ANGPTL2: variants seen among roughly 807,000 people sequenced by gnomAD.
The protein encoded by ANGPTL2 is angiopoietin-related protein 2.
In ANGPTL2, 25 loss-of-function variants were observed where a neutral mutation model predicts 52.8. That is an observed-to-expected ratio of 0.47 (90% CI 0.35 to 0.66). ANGPTL2 has a LOEUF of 0.66. Among genes scored for constraint, ANGPTL2 ranks in the 30% least tolerant of loss-of-function variants. ANGPTL2 has a pLI of 0.01. For missense variants in ANGPTL2, 546 were observed against 656.9 expected (o/e 0.83, Z 1.84); for synonymous variants, 276 against 277.4 (o/e 1.00, Z 0.05).
intron 4 of ANGPTL2, among the ~76,000 whole-genome samples, chr9:127,090,486 T>C (rs151289929): frequency 1.7e-4 from 26 of 152,322 alleles, no homozygotes; most frequent in African/African-American, 5.1e-4. Flanking sequence ...GAGGTGTCTG[T>C]GTGATACAGG....
chr9:127,119,468 G>A (rs2055815141), intron 1 of ANGPTL2, among the ~76,000 whole-genome samples: 1 of 152,228 alleles, frequency 6.6e-6, no homozygotes, highest in African/African-American at 2.4e-5. Flanking sequence ...GGGCTTTGGA[G>A]CCAGACAGAG....
chr9:127,105,597 C>T (rs2054141322), intron 2 of ANGPTL2, among the ~76,000 whole-genome samples: 2 of 152,278 alleles, frequency 1.3e-5, no homozygotes, highest in South Asian at 4.1e-4. Flanking sequence ...CCTTACTGTC[C>T]CCCAGGGCAC....
intron 1 of ANGPTL2, among the ~76,000 whole-genome samples, chr9:127,115,167 T>A (rs2055269906): frequency 6.6e-6 from 1 of 152,150 alleles, no homozygotes; most frequent in Admixed American, 6.5e-5. Flanking sequence ...AGTTGAGGTC[T>A]GTTGTCTTAC....
chr9:127,119,244 T>C (rs2055788094), intron 1 of ANGPTL2, among the ~76,000 whole-genome samples: 1 of 152,184 alleles, frequency 6.6e-6, no homozygotes, highest in Non-Finnish European at 1.5e-5. Flanking sequence ...GTAACAGTCA[T>C]GCCTATTTTG....
intron 2 of ANGPTL2, among the ~76,000 whole-genome samples, chr9:127,105,291 C>T (rs2054114176): frequency 6.6e-6 from 1 of 152,180 alleles, no homozygotes; most frequent in Non-Finnish European, 1.5e-5. Context: ...CCCATGACGG[C>T]GTGCTTTCTT....
chr9:127,108,817 C>T (rs971561896), intron 1 of ANGPTL2, 37 bp from the exon 2 acceptor site: 2 of 1,390,988 alleles, frequency 1.4e-6, no homozygotes, highest in African/African-American at 2.9e-5. Flanking sequence ...GTGATGGTCC[C>T]ACCACTGTCA....
chr9:127,121,506 A>G (rs1275275414), intron 1 of ANGPTL2, among the ~76,000 whole-genome samples: 1 of 152,246 alleles, frequency 6.6e-6, no homozygotes, highest in Non-Finnish European at 1.5e-5. Flanking sequence ...ATAATCCTAC[A>G]GCAGAGGCAA....
In ANGPTL2 at chr9:127,107,975, G is replaced by T. The variant is rs140708616; in HGVS notation, c.757C>A (p.Pro253Thr). ...QSDQNLKVLP[P>T]PLPTMPTLTS... ...AGAGTGGGCATAGTGGGCAGAGGGG[G>T]TGGCAGCACCTTCAGGTTCTGGTCA... Residue 253 changes from proline to threonine, a missense_variant, in exon 2 of 5, where the codon CCC (proline) becomes ACC (threonine). Pro to Thr is a conservative substitution (Grantham distance 38, BLOSUM62 -1). Coordinates refer to ENST00000373425, the MANE Select transcript of ANGPTL2 (RefSeq NM_012098.3). The T allele has an allele frequency of 3.9e-5, 62 of 1,575,432 alleles. No homozygotes were observed. In the African/African-American group the frequency reaches 5.9e-4, roughly 15 times the overall value.
rs1363098543 is a variant in ANGPTL2, at chr9:127,093,764, A to C, written c.980T>G (p.Val327Gly). The C allele has an allele frequency of 1.2e-6, 2 of 1,613,806 alleles. No individual in the cohort carries two copies. The highest frequency in any genetic ancestry group is 1.3e-5 in the African/African-American group (1 of 74,824). ...TVIQRRLDGS[V>G]NFFRNWETYK... ...CGTCTCCCAGTTCCTGAAGAAGTTA[A>C]CAGAGCCATCCAGGCGTCTCTGGAT... is the stretch of plus-strand genomic sequence containing the variant. Residue 327 changes from valine to glycine, a missense_variant, in exon 3 of 5, where the codon GTT becomes GGT. Around this residue, in one of 2 missense-constraint regions of ANGPTL2, gnomAD observed 261 missense variants for 361.0 expected, o/e 0.72. Transcript: ENST00000373425.
In ANGPTL2 at chr9:127,091,410, T is replaced by A. The variant is rs1312745361; in HGVS notation, c.1282+260A>T. ...TGGCCCCAGCTGGCCCTGGTACGTG[T>A]GATTTGTATACCTCTTTATGTCTCG... On this transcript the variant is annotated intron_variant, in intron 4 of 4. Coordinates refer to ENST00000373425, the MANE Select transcript of ANGPTL2 (RefSeq NM_012098.3). This position sits in a 1 kb window ranked among gnomAD's most constrained non-coding sequence, Gnocchi z 4.3. Among the ~76,000 whole-genome samples the A allele has an allele frequency of 6.6e-6, 1 of 152,222 alleles. No individual in the cohort carries two copies. The highest frequency in any genetic ancestry group is 1.5e-5 in the Non-Finnish European group (1 of 68,046).
rs544441424 is a variant in ANGPTL2 at position 127,110,162 on chromosome 9, G to A, written c.-49-1382C>T. On this transcript the variant is annotated intron_variant, in intron 1 of 4. Transcript: ENST00000373425. ...TTTCCAGAAAGTTCCTCTCTTCCTG[G>A]TCTCTCTTGAGCCCACCCTCATCAG... 3.3e-5 allele frequency among the ~76,000 whole-genome samples: 5 copies of A among 152,210 alleles called. No homozygotes were observed. In the South Asian group the frequency reaches 1.0e-3, roughly 32 times the overall value.
intron 1 of ANGPTL2, among the ~76,000 whole-genome samples, chr9:127,112,020 C>A (rs1322570399): frequency 6.6e-6 from 1 of 152,208 alleles, no homozygotes; most frequent in Non-Finnish European, 1.5e-5. Context: ...CCAGTGAGGA[C>A]CCTGGGTCTG....
Position 127,108,663 on chromosome 9 carries a change from C to T in ANGPTL2, c.69G>A (p.Gln23=), listed in dbSNP as rs376777812. The change falls in exon 2 of 5, where the codon CAG becomes CAA. Residue 23 remains glutamine (Q), a synonymous_variant. Coordinates refer to ENST00000373425, the MANE Select transcript of ANGPTL2 (RefSeq NM_012098.3). ...CCTCAGTGCCCTCAAAACCGTCCTC[C>T]TGGCCTGCAACAGCTCCCATGGCAG... ...LLAAMGAVAG[Q]EDGFEGTEEG... 3 of 1,613,774 alleles carry T rather than the reference C, an allele frequency of 1.9e-6. No individual in the cohort carries two copies. The highest frequency in any genetic ancestry group is 1.7e-5 in the Admixed American group (1 of 60,006).
Position 127,108,474 on chromosome 9 carries a change from C to T in ANGPTL2, c.258G>A (p.Lys86=). 1 of 1,612,484 alleles carries T rather than the reference C, an allele frequency of 6.2e-7. No homozygotes were observed. Residue 86 remains lysine, a synonymous_variant, in exon 2 of 5, where the codon AAG becomes AAA. Transcript: ENST00000373425. ...PEVLLENRVH[K]QELELLNNEL... is the part of the protein sequence containing the mutation. ...CATTGTTGAGCAGCTCTAGCTCCTG[C>T]TTATGCACTCGGTTCTCCAGAAGCA...
Position 127,102,717 on chromosome 9 carries a change from G to A in ANGPTL2, c.817+5198C>T, listed in dbSNP as rs146164745. On this transcript the variant is annotated intron_variant, in intron 2 of 4. Transcript: ENST00000373425. ...GAGGAAGAGAAAGCAAAGCAATAAG[G>A]GAGCTGGCCCTCCTGGAACCATCAT... 3.9e-5 allele frequency among the ~76,000 whole-genome samples: 6 copies of A among 152,272 alleles called. No homozygotes were observed. In the East Asian group the frequency reaches 9.6e-4, roughly 24 times the overall value.
At chr9:127,098,927 A>C (rs140133099) in intron 2 of ANGPTL2, among the ~76,000 whole-genome samples, 37 of 152,328 alleles carry the variant, frequency 2.4e-4, no homozygotes, top group African/African-American at 7.7e-4. Context: ...ATGGGCTCAC[A>C]AACTGCATCA....
intron 1 of ANGPTL2, among the ~76,000 whole-genome samples, chr9:127,118,382 C>T (rs1181214362): frequency 6.6e-6 from 1 of 152,176 alleles, no homozygotes; most frequent in Non-Finnish European, 1.5e-5. Context: ...CTCCAAGCTG[C>T]CTGTGGCTGA....
chr9:127,111,923 C>G (rs2054854727), intron 1 of ANGPTL2, among the ~76,000 whole-genome samples: 1 of 152,216 alleles, frequency 6.6e-6, no homozygotes, highest in Non-Finnish European at 1.5e-5. Flanking sequence ...TCACTACTTT[C>G]TGATTTCACA....
At chr9:127,112,565 A>G (rs189538272) in intron 1 of ANGPTL2, among the ~76,000 whole-genome samples, 3 of 152,290 alleles carry the variant, frequency 2.0e-5, no homozygotes, top group African/African-American at 7.2e-5. Flanking sequence ...GTTGAGTTCT[A>G]TCCTCTCCCA....
Sources: gnomAD v4.1 joint callset for allele counts (sites outside exome capture counted in the v4.1 genomes callset) on GRCh38, gnomAD v4.1.1 for gene constraint, gnomAD v4.1.1 regional missense constraint, Gnocchi (gnomAD v3.1) non-coding constraint, MANE v1.5 for transcripts, NCBI Gene and HGNC (gene_info 2026-07-23, HGNC 2026-07-21) for gene names.